Variants in SLC37A3 observed in about 807,000 individuals in gnomAD.
The protein encoded by SLC37A3 is sugar phosphate exchanger 3.
A neutral mutation model predicts 67.1 loss-of-function variants in SLC37A3; 51 were observed. That is an observed-to-expected ratio of 0.76 (90% CI 0.61 to 0.96). SLC37A3 has a LOEUF of 0.96. SLC37A3 is among the 40% of genes least tolerant of loss of function. The pLI is 0.00. For missense variants in SLC37A3, 508 were observed against 603.0 expected (o/e 0.84, Z 1.65); for synonymous variants, 214 against 231.4 (o/e 0.92, Z 0.68).
chr7:140,352,242 G>GGGGGGGGGGA, intron 7 of SLC37A3, 96 bp from the exon 8 acceptor site: 1 of 382,886 alleles, frequency 2.6e-6, no homozygotes, highest in Non-Finnish European at 5.4e-6. Context: ...GGGGGTGGGG[G>GGGGGGGGGGA]AGAGGTGGGA....
chr7:140,365,059 G>C (rs1428407775), intron 4 of SLC37A3, among the ~76,000 whole-genome samples: 1 of 152,118 alleles, frequency 6.6e-6, no homozygotes, highest in East Asian at 1.9e-4. Context: ...CTGACCCTTG[G>C]GTTTCATGAC....
At chr7:140,361,174 G>A (rs1797253579) in intron 5 of SLC37A3, among the ~76,000 whole-genome samples, 1 of 143,628 alleles carries the variant, frequency 7.0e-6, no homozygotes, top group African/African-American at 2.5e-5. Flanking sequence ...AGAAACAAAA[G>A]CACCGAGATA....
chr7:140,386,525 A>G (rs941604440), intron 1 of SLC37A3, among the ~76,000 whole-genome samples: 3 of 151,828 alleles, frequency 2.0e-5, no homozygotes, highest in Admixed American at 2.0e-4. Flanking sequence ...CCAATCATCC[A>G]TGAGCTCAGG....
At chr7:140,368,804 T>G (rs1797707752) in intron 4 of SLC37A3, among the ~76,000 whole-genome samples, 1 of 152,126 alleles carries the variant, frequency 6.6e-6, no homozygotes, top group Admixed American at 6.6e-5. Context: ...TCTTGACACA[T>G]TTCTCTTACA....
At position 140,333,832 on chromosome 7, in the gene SLC37A3, T is replaced by C. The variant is rs1231473613; in HGVS notation, c.*1580A>G. The C allele has an allele frequency of 6.5e-6, 1 of 152,674 alleles. No homozygotes were observed. The highest frequency in any genetic ancestry group is 1.5e-5 in the Non-Finnish European group (1 of 68,052). The allele number at this position is 152,674 out of a possible 1,614,324, so 9.5% of individuals were successfully genotyped here. A position where few individuals can be genotyped will look rare whatever the true frequency, so the allele number is the denominator to read the frequency against. On this transcript the variant is annotated 3_prime_UTR_variant, in exon 15 of 15. Coordinates refer to ENST00000326232, the MANE Select transcript of SLC37A3 (RefSeq NM_207113.3). ...GTCAGTAAATGAGCAATACACTGATTGGAAATCTGCATGATTAAATAACAT... is the reference window on the plus strand; with the variant it reads ...GTCAGTAAATGAGCAATACACTGATCGGAAATCTGCATGATTAAATAACAT...
In SLC37A3 at chr7:140,343,410, A is replaced by C. The variant is rs766654128; in HGVS notation, c.1326+2T>G. 1 of 1,612,760 alleles carries C rather than the reference A, an allele frequency of 6.2e-7. No homozygotes were observed. Among genetic ancestry groups the C allele is most frequent in the South Asian group, 1.1e-5 (1 of 91,058 alleles). On this transcript the variant is annotated splice_donor_variant, in intron 13 of 14. Coordinates refer to ENST00000326232, the MANE Select transcript of SLC37A3 (RefSeq NM_207113.3). LOFTEE classifies it high-confidence loss of function. ...ATCCCAGCCCCTCTCCTGTTCTCTC[A>C]CCTGGCCCACTGCAGCTCCAATGCT...
chr7:140,337,395 A>G lies in SLC37A3; in HGVS notation c.1327-46T>C, dbSNP rs1471644430. ...ATTACAATATAATTCTTTATAATTC[A>G]TAAAAGGAAGCAGCTAAAAAGTAGA... is the stretch of plus-strand genomic sequence containing the variant. On this transcript the variant is annotated intron_variant, in intron 13 of 14. Transcript: ENST00000326232. 1.6e-5 allele frequency: 23 copies of G among 1,456,974 alleles called. No individual in the cohort carries two copies. In the South Asian group the frequency reaches 1.6e-4, roughly 10 times the overall value. 90.3% of individuals were successfully genotyped at this position (1,456,974 alleles called of 1,614,324 possible). A position where few individuals can be genotyped will look rare whatever the true frequency, so the allele number is the denominator to read the frequency against.
intron 13 of SLC37A3, among the ~76,000 whole-genome samples, chr7:140,340,507 A>G (rs1796318735): frequency 2.0e-5 from 3 of 152,218 alleles, no homozygotes; most frequent in African/African-American, 7.2e-5. Flanking sequence ...AAAAAAATTA[A>G]TGCAGAACGA....
Position 140,352,142 on chromosome 7 carries a change from G to GC in SLC37A3, c.622dup (p.Ala208GlyfsTer33), listed in dbSNP as rs1796835850. On this transcript the variant is annotated frameshift_variant, in exon 8 of 15. Coordinates refer to ENST00000326232, the MANE Select transcript of SLC37A3 (RefSeq NM_207113.3). LOFTEE classifies it high-confidence loss of function. Reference sequence around the variant, plus strand: ...CTGCACAGACGCCGTCACCAGAAAGGCATACTGGAGGAGAGGGGTGAAAGG... The same window carrying GC: ...CTGCACAGACGCCGTCACCAGAAAGGCCATACTGGAGGAGAGGGGTGAAAGG... The GC allele has an allele frequency of 1.2e-6, 2 of 1,605,744 alleles. No homozygotes were observed. Among genetic ancestry groups the GC allele is most frequent in the South Asian group, 1.1e-5 (1 of 90,624 alleles).
chr7:140,341,897 G>A (rs759371936), intron 13 of SLC37A3, among the ~76,000 whole-genome samples: 10 of 152,214 alleles, frequency 6.6e-5, no homozygotes, highest in Non-Finnish European at 1.3e-4. Flanking sequence ...ACTGATGGCT[G>A]GGAGCATTTT....
At chr7:140,342,714 T>C (rs1796405809) in intron 13 of SLC37A3, among the ~76,000 whole-genome samples, 1 of 151,742 alleles carries the variant, frequency 6.6e-6, no homozygotes, top group Admixed American at 6.6e-5. Context: ...ATTCTAAGTA[T>C]AGTAGGCCAA....
At chr7:140,385,994 G>A (rs1327347429) in intron 1 of SLC37A3, among the ~76,000 whole-genome samples, 4 of 152,158 alleles carry the variant, frequency 2.6e-5, no homozygotes, top group Non-Finnish European at 5.9e-5. Flanking sequence ...TGTTGGCCAG[G>A]CTGGTCTCGA....
At position 140,358,743 on chromosome 7, in the gene SLC37A3, T is replaced by C; in HGVS notation, c.418A>G (p.Asn140Asp). ...GALTEWLRFYNKWLYCCLWIV... is the reference protein window; with the variant it reads ...GALTEWLRFYDKWLYCCLWIV... ...CACAGGCAGCAGTACAGCCATTTGT[T>C]GTAGAAACGCAGCCATTCTGTGAGC... The change falls in exon 6 of 15, where the codon AAC becomes GAC. Residue 140 changes from asparagine to aspartate, a missense_variant. Asn to Asp is a conservative substitution (Grantham distance 23, BLOSUM62 1). Transcript: ENST00000326232. The C allele has an allele frequency of 6.2e-7, 1 of 1,614,102 alleles. No individual in the cohort carries two copies. The highest frequency in any genetic ancestry group is 8.5e-7 in the Non-Finnish European group (1 of 1,180,034).
At chr7:140,377,921 G>A (rs1269609354) in intron 3 of SLC37A3, among the ~76,000 whole-genome samples, 1 of 152,052 alleles carries the variant, frequency 6.6e-6, no homozygotes, top group Admixed American at 6.5e-5. Context: ...AGAGGCCTCT[G>A]GGAAGCTTGG....
intron 7 of SLC37A3, 40 bp from the exon 8 acceptor site, chr7:140,352,186 G>C (rs747341999): frequency 7.3e-7 from 1 of 1,376,100 alleles, no homozygotes; most frequent in Admixed American, 2.0e-5. Context: ...ACATATCTGG[G>C]GACAGTCATC....
chr7:140,378,248 C>T (rs1798109384), intron 3 of SLC37A3, among the ~76,000 whole-genome samples: 1 of 152,152 alleles, frequency 6.6e-6, no homozygotes, highest in Admixed American at 6.5e-5. Context: ...TAAACAGAAA[C>T]TTAGGGAGAC....
chr7:140,390,647 C>T (rs952229449), intron 1 of SLC37A3, among the ~76,000 whole-genome samples: 5 of 152,120 alleles, frequency 3.3e-5, no homozygotes, highest in African/African-American at 4.8e-5. Flanking sequence ...CCATCCCCAC[C>T]GCCAGGTGGA....
At chr7:140,375,359 C>T (rs1364550886) in intron 3 of SLC37A3, among the ~76,000 whole-genome samples, 3 of 151,594 alleles carry the variant, frequency 2.0e-5, no homozygotes, top group Non-Finnish European at 2.9e-5. Flanking sequence ...CCTGTAATCC[C>T]AGCTACTCCG....
chr7:140,390,873 T>C (rs1385772885), intron 1 of SLC37A3, among the ~76,000 whole-genome samples: 2 of 152,122 alleles, frequency 1.3e-5, no homozygotes, highest in East Asian at 3.8e-4. Context: ...TTTTCCCTCA[T>C]CCATCCCCCT....
Sources: gnomAD v4.1 joint callset for allele counts (sites outside exome capture counted in the v4.1 genomes callset) on GRCh38, gnomAD v4.1.1 for gene constraint, MANE v1.5 for transcripts, NCBI Gene and HGNC (gene_info 2026-07-23, HGNC 2026-07-21) for gene names.